Variants in RPP30 observed in about 807,000 individuals in gnomAD.
The protein encoded by RPP30 is ribonuclease P/MRP subunit p30.
RPP30 carries 36 observed loss-of-function variants against 38.6 expected under a neutral mutation model. The ratio of observed to expected loss-of-function variants is 0.93; its 90% CI spans 0.71 to 1.23. The LOEUF is 1.23. Among genes scored for constraint, RPP30 ranks in the 50% most tolerant of loss-of-function variants. RPP30 has a pLI of 0.00. For synonymous variants in RPP30, 126 were observed against 112.7 expected (o/e 1.12, Z -0.75); for missense variants, 321 against 321.7 (o/e 1.00, Z 0.02).
chr10:90,902,106 A>G lies in RPP30; in HGVS notation c.*1427A>G, dbSNP rs1847210828. The G allele has an allele frequency of 2.0e-6, 2 of 989,356 alleles. No homozygotes were observed. Among genetic ancestry groups the G allele is most frequent in the South Asian group, 4.5e-5 (1 of 22,354 alleles). 61.3% of individuals were successfully genotyped at this position (989,356 alleles called of 1,614,324 possible). A position where few individuals can be genotyped will look rare whatever the true frequency, so the allele number is the denominator to read the frequency against. On this transcript the variant is annotated 3_prime_UTR_variant, in exon 11 of 11. Coordinates refer to ENST00000371703, the MANE Select transcript of RPP30 (RefSeq NM_006413.5). ...GCCACTGCGCCCGGCCCGAGAAAAT[A>G]CAGTTTTAAAAAGAGAAAGCTTTAT...
At position 90,901,697 on chromosome 10, in the gene RPP30, C is replaced by T; in HGVS notation, c.*1018C>T. 1 of 983,568 alleles carries T rather than the reference C, an allele frequency of 1.0e-6. No homozygotes were observed. Among genetic ancestry groups the T allele is most frequent in the Non-Finnish European group, 1.2e-6 (1 of 828,354 alleles). 60.9% of individuals were successfully genotyped at this position (983,568 alleles called of 1,614,324 possible). A position where few individuals can be genotyped will look rare whatever the true frequency, so the allele number is the denominator to read the frequency against. On this transcript the variant is annotated 3_prime_UTR_variant, in exon 11 of 11. Transcript: ENST00000371703. Reference sequence around the variant, plus strand: ...GTAGAAGTAGCTTTTTATGCAAATACATGCATTTATGCAATATTAATGTAA... The same window carrying T: ...GTAGAAGTAGCTTTTTATGCAAATATATGCATTTATGCAATATTAATGTAA...
chr10:90,882,186 C>T (rs1163632821), intron 5 of RPP30, among the ~76,000 whole-genome samples: 1 of 152,144 alleles, frequency 6.6e-6, no homozygotes, highest in Non-Finnish European at 1.5e-5. Context: ...AGCAGCTGAG[C>T]AGGTTGAGGA....
intron 5 of RPP30, among the ~76,000 whole-genome samples, chr10:90,883,930 C>T (rs1166848855): frequency 6.6e-6 from 1 of 152,088 alleles, no homozygotes; most frequent in African/African-American, 2.4e-5. Context: ...TTATTTACCT[C>T]GTCTTTTTTT....
In RPP30 at chr10:90,871,991, C is replaced by A; in HGVS notation, c.5C>A (p.Ala2Glu). The A allele has an allele frequency of 6.2e-7, 1 of 1,613,860 alleles. No homozygotes were observed. The highest frequency in any genetic ancestry group is 8.5e-7 in the Non-Finnish European group (1 of 1,179,792). The change falls in exon 1 of 11, where the codon GCG (alanine) becomes GAG (glutamate). Residue 2 changes from alanine (A) to glutamate (E), a missense_variant. Ala to Glu is a moderately radical substitution (Grantham distance 107). Transcript: ENST00000371703. ...GGACGGTCATGGGACTTCAGCATGG[C>A]GGTGTTTGCAGATTTGGACCTGCGA... Reference protein sequence around the residue: MAVFADLDLRAG... With the variant: MEVFADLDLRAG...
At chr10:90,889,223 C>T (rs910723951) in intron 6 of RPP30, among the ~76,000 whole-genome samples, 1 of 151,846 alleles carries the variant, frequency 6.6e-6, no homozygotes, top group African/African-American at 2.4e-5. Context: ...CTTGCATGTT[C>T]CCTTGGCTTT....
At chr10:90,903,016 C>G (rs1847220406), downstream of RPP30, among the ~76,000 whole-genome samples, 1 of 152,022 alleles carries the variant, frequency 6.6e-6, no homozygotes, top group South Asian at 2.1e-4. Flanking sequence ...CTATTGGGGG[C>G]AAATGAAAAA....
downstream of RPP30, among the ~76,000 whole-genome samples, chr10:90,902,994 A>G (rs1425730527): frequency 6.6e-6 from 1 of 152,206 alleles, no homozygotes; most frequent in Non-Finnish European, 1.5e-5. Flanking sequence ...TTTAAATATG[A>G]AAATTGATGA....
At chr10:90,905,230 C>T (rs1308471662), downstream of RPP30, 1 of 152,136 alleles carries the variant, frequency 6.6e-6, no homozygotes, top group East Asian at 1.9e-4. Context: ...ATCCCCATTC[C>T]CAGGGTGGTG....
intron 6 of RPP30, among the ~76,000 whole-genome samples, chr10:90,892,144 T>G (rs1022264438): frequency 3.9e-5 from 6 of 152,172 alleles, no homozygotes; most frequent in African/African-American, 9.7e-5. Flanking sequence ...AGAAATGTGA[T>G]CATCCACCCA....
At chr10:90,882,230 C>T (rs11186346) in intron 5 of RPP30, among the ~76,000 whole-genome samples, 11,833 of 152,204 alleles carry the variant, frequency 0.078, 474 homozygotes, top group East Asian at 0.16. Flanking sequence ...GGTCTCTAAC[C>T]TGCTTTGATT....
intron 5 of RPP30, among the ~76,000 whole-genome samples, 171 bp from the exon 6 acceptor site, chr10:90,885,641 C>CCTACTCTTT (rs1456461302): frequency 6.6e-6 from 1 of 152,066 alleles, no homozygotes; most frequent in Non-Finnish European, 1.5e-5. Flanking sequence ...TAAACCAAAC[C>CCTACTCTTT]TAAAAGAGTA....
downstream of RPP30, among the ~76,000 whole-genome samples, chr10:90,906,342 A>G (rs142964944): frequency 6.6e-6 from 1 of 152,330 alleles, no homozygotes; most frequent in African/African-American, 2.4e-5. Flanking sequence ...CTGGCACAGT[A>G]TGTGAAAACA....
intron 6 of RPP30, 150 bp from the exon 7 acceptor site, chr10:90,894,625 T>G (rs1847119054): frequency 1.5e-6 from 1 of 651,674 alleles, no homozygotes. Context: ...GTGGTGCCAT[T>G]TGAGTGTTGA....
intron 10 of RPP30, among the ~76,000 whole-genome samples, chr10:90,898,331 A>G (rs573356298): frequency 7.2e-5 from 11 of 152,310 alleles, no homozygotes; most frequent in South Asian, 6.2e-4. Flanking sequence ...TAGCACTTCT[A>G]TTCCCTGAAG....
intron 1 of RPP30, among the ~76,000 whole-genome samples, chr10:90,873,656 A>G (rs1412385396): frequency 6.6e-6 from 1 of 152,206 alleles, no homozygotes; most frequent in East Asian, 1.9e-4. Context: ...AACGGTAGGG[A>G]CATTGTTTAG....
In RPP30 at chr10:90,879,102, G is replaced by A; in HGVS notation, c.310G>A (p.Ala104Thr). ...SSRARLYDVVAVFPKTEKLFH... is the reference protein window; with the variant it reads ...SSRARLYDVVTVFPKTEKLFH... ...AAGGGCCCGGCTCTATGATGTTGTT[G>A]CAGTTTTTCCAAAGACAGAAAAGCT... Residue 104 changes from alanine (A) to threonine (T), a missense_variant, in exon 5 of 11, where the codon GCA becomes ACA. Physicochemically the swap from Ala to Thr is moderately conservative, Grantham distance 58. Coordinates refer to ENST00000371703, the MANE Select transcript of RPP30 (RefSeq NM_006413.5). 6.2e-7 allele frequency: 1 copy of A among 1,613,986 alleles called. No individual in the cohort carries two copies.
At chr10:90,875,413 A>T (rs1216540612) in intron 2 of RPP30, 145 bp from the exon 3 acceptor site, 20 of 631,228 alleles carry the variant, frequency 3.2e-5, no homozygotes, top group Non-Finnish European at 5.2e-5. Flanking sequence ...AATAATTTTT[A>T]AAAGTTTTTT....
At chr10:90,892,919 C>A (rs761616863) in intron 6 of RPP30, among the ~76,000 whole-genome samples, 39 of 152,198 alleles carry the variant, frequency 2.6e-4, no homozygotes, top group Non-Finnish European at 5.4e-4. Flanking sequence ...ATATTATACA[C>A]CTTTTATGTA....
In RPP30 at chr10:90,900,726, G is replaced by A; in HGVS notation, c.*47G>A. 6.3e-7 allele frequency: 1 copy of A among 1,575,230 alleles called. No homozygotes were observed. Among genetic ancestry groups the A allele is most frequent in the Non-Finnish European group, 8.6e-7 (1 of 1,164,234 alleles). On this transcript the variant is annotated 3_prime_UTR_variant, in exon 11 of 11. Transcript: ENST00000371703. ...CAGCACTCCCTTCTTCCCTTTTATA[G>A]TTCATCAGCCACAACAAAAATAAAA...
Sources: gnomAD v4.1 joint callset for allele counts (sites outside exome capture counted in the v4.1 genomes callset) on GRCh38, gnomAD v4.1.1 for gene constraint, MANE v1.5 for transcripts, NCBI Gene and HGNC (gene_info 2026-07-23, HGNC 2026-07-21) for gene names.